KNTC1: variants seen among roughly 807,000 people sequenced by gnomAD.
KNTC1 encodes the protein kinetochore associated 1, also known as kinetochore-associated protein 1.
In KNTC1, 253 loss-of-function variants were observed where a neutral mutation model predicts 314.4. That is an observed-to-expected ratio of 0.80 (90% confidence interval 0.73 to 0.89). The LOEUF (loss-of-function observed/expected upper bound fraction) is 0.89. Ranked by LOEUF, KNTC1 falls within the 40% of genes least tolerant of loss-of-function variation. KNTC1 has a pLI of 0.00. For missense variants in KNTC1, 2,475 were observed against 2,572.9 expected (o/e 0.96, Z 0.82); for synonymous variants, 901 against 901.4 (o/e 1.00, Z 0.01).
intron 16 of KNTC1, among the ~76,000 whole-genome samples, chr12:122,552,688 T>C (rs1963287945): frequency 6.6e-6 from 1 of 152,186 alleles, no homozygotes; most frequent in South Asian, 2.1e-4. Context: ...ATTTTGCAGG[T>C]GATAGGAACC....
At chr12:122,558,163 T>A (rs1963730908) in intron 18 of KNTC1, among the ~76,000 whole-genome samples, 1 of 152,138 alleles carries the variant, frequency 6.6e-6, no homozygotes. Context: ...GGCACAAGAA[T>A]CACTGGAATC....
rs1963218191 is a variant in KNTC1 at position 122,551,826 on chromosome 12, T to A, written c.1272+130T>A. On this transcript the variant is annotated intron_variant, in intron 16 of 63. Transcript: ENST00000333479. ...GGCTGTAATTAAGATATGACTGAAGTTGATTAGAGATTCAGAGGAAAGAGT... is the reference window on the plus strand; with the variant it reads ...GGCTGTAATTAAGATATGACTGAAGATGATTAGAGATTCAGAGGAAAGAGT... 5.6e-6 allele frequency: 4 copies of A among 710,694 alleles called. No individual in the cohort carries two copies. The Admixed American group carries it at 1.0e-4, about 18-fold the overall frequency. 44.0% of individuals were successfully genotyped at this position (710,694 alleles called of 1,614,324 possible).
chr12:122,585,330 C>G (rs1475566130), intron 36 of KNTC1, among the ~76,000 whole-genome samples: 1 of 152,202 alleles, frequency 6.6e-6, no homozygotes, highest in African/African-American at 2.4e-5. Context: ...GCATGAGCCA[C>G]TGCACCTGGG....
chr12:122,615,705 T>C (rs1006868537), intron 57 of KNTC1, among the ~76,000 whole-genome samples, 179 bp downstream of exon 57: 2 of 152,168 alleles, frequency 1.3e-5, no homozygotes, highest in African/African-American at 4.8e-5. Flanking sequence ...AAGGATCACT[T>C]GAGCCCAGGA....
At chr12:122,560,168 G>A (rs926513088) in intron 18 of KNTC1, among the ~76,000 whole-genome samples, 1 of 152,118 alleles carries the variant, frequency 6.6e-6, no homozygotes, top group African/African-American at 2.4e-5. Flanking sequence ...GTTCATTCAT[G>A]TTGTTGCAAA....
chr12:122,601,156 C>T (rs547899328), intron 44 of KNTC1, among the ~76,000 whole-genome samples: 76 of 152,228 alleles, frequency 5.0e-4, no homozygotes, highest in African/African-American at 1.8e-3. Flanking sequence ...AATCTCAGCT[C>T]ACTGCAAGCT....
chr12:122,603,602 C>G (rs529504183), intron 48 of KNTC1, among the ~76,000 whole-genome samples: 3 of 152,032 alleles, frequency 2.0e-5, no homozygotes, highest in African/African-American at 7.2e-5. Context: ...AAGTGATTCT[C>G]CTGCCTCAGT....
chr12:122,586,381 C>T (rs961960779), intron 37 of KNTC1, among the ~76,000 whole-genome samples: 3 of 152,038 alleles, frequency 2.0e-5, no homozygotes, highest in South Asian at 4.1e-4. Flanking sequence ...CGCGCCCGGC[C>T]GATGTTCTAT....
At chr12:122,624,124 A>G (rs1874745603) in intron 62 of KNTC1, among the ~76,000 whole-genome samples, 1 of 152,172 alleles carries the variant, frequency 6.6e-6, no homozygotes, top group Admixed American at 6.5e-5. Context: ...TAAAACCTCT[A>G]ACCTTCTCTT....
chr12:122,547,486 G>A lies in KNTC1; in HGVS notation c.888G>A (p.Glu296=), dbSNP rs763157193. 1.2e-6 allele frequency: 2 copies of A among 1,612,764 alleles called. No individual in the cohort carries two copies. The highest frequency in any genetic ancestry group is 1.3e-5 in the African/African-American group (1 of 75,044). ...ACTGGCCCTCTCTTCACGTAGAAGA[G>A]TTTCTTCTTACTACAGAAGCAGACT... is the stretch of plus-strand genomic sequence containing the variant. ...VWNWPSLHVE[E]FLLTTEADSP... Residue 296 remains glutamate, a synonymous_variant, in exon 11 of 64, where the codon GAG becomes GAA. Transcript: ENST00000333479.
At chr12:122,563,700 T>A (rs1964127195) in intron 20 of KNTC1, 4 of 1,191,200 alleles carry the variant, frequency 3.4e-6, no homozygotes, top group South Asian at 3.1e-5. Context: ...CCATAAAAAT[T>A]GGATTTACTT....
chr12:122,604,809 G>C, intron 49 of KNTC1, 68 bp from the exon 50 acceptor site: 5 of 1,456,864 alleles, frequency 3.4e-6, no homozygotes, highest in Non-Finnish European at 4.7e-6. Context: ...GATTGATAAA[G>C]ATGGATGCTT....
At chr12:122,591,497 C>A in intron 42 of KNTC1, 44 bp downstream of exon 42, 1 of 1,014,742 alleles carries the variant, frequency 9.9e-7, no homozygotes, top group South Asian at 1.3e-5. Context: ...GTTAATTACC[C>A]GGTTGGAAAA....
At chr12:122,555,852 AAAAT>A (rs903364336) in intron 16 of KNTC1, among the ~76,000 whole-genome samples, 6 of 152,294 alleles carry the variant, frequency 3.9e-5, no homozygotes, top group African/African-American at 1.4e-4. Context: ...CTGTCTCATA[AAAAT>A]AAATAAAAAG....
chr12:122,535,327 C>A (rs1961705063), intron 3 of KNTC1, among the ~76,000 whole-genome samples: 1 of 151,862 alleles, frequency 6.6e-6, no homozygotes, highest in Non-Finnish European at 1.5e-5. Context: ...AGTTCAAGAC[C>A]AGCCTGGCCA....
rs770143324 is a variant in KNTC1 at position 122,585,622 on chromosome 12, G to T, written c.3535-14G>T. The T allele has an allele frequency of 2.5e-6, 4 of 1,612,458 alleles. No individual in the cohort carries two copies. Among genetic ancestry groups the T allele is most frequent in the Admixed American group, 3.4e-5 (2 of 59,610 alleles). ...GTACTGAGTTCTCTCTTTTTTGTAT[G>T]ATTTGGCACCTAGGCTTCTTTTGGG... is the stretch of plus-strand genomic sequence containing the variant. On this transcript the variant is annotated splice_polypyrimidine_tract_variant and intron_variant, in intron 36 of 63. Transcript: ENST00000333479.
intron 10 of KNTC1, among the ~76,000 whole-genome samples, chr12:122,546,963 G>A (rs1321979639): frequency 6.6e-5 from 10 of 150,848 alleles, no homozygotes; most frequent in Admixed American, 2.7e-4. Context: ...CTCCTGAGTA[G>A]CTGGGATTAC....
intron 51 of KNTC1, 28 bp downstream of exon 51, chr12:122,605,443 G>A: frequency 1.7e-6 from 2 of 1,157,380 alleles, no homozygotes; most frequent in Non-Finnish European, 2.5e-6. Context: ...AAGAGTATCT[G>A]TAGTTGAGTA....
chr12:122,626,099 T>C, intron 63 of KNTC1, 106 bp from the exon 64 acceptor site: 4 of 766,026 alleles, frequency 5.2e-6, no homozygotes, highest in Non-Finnish European at 8.9e-6. Context: ...TAGTTTGATA[T>C]GTAGATTTGT....
Sources: allele counts gnomAD v4.1 joint callset (sites outside exome capture counted in the v4.1 genomes callset), GRCh38; gene constraint gnomAD v4.1.1; transcripts MANE v1.5; gene names NCBI Gene and HGNC (gene_info 2026-07-23, HGNC 2026-07-21).